The following OCIAD1 variants were observed in gnomAD, a reference collection of about 807,000 sequenced individuals.
OCIAD1 encodes the protein OCIA domain containing 1.
In OCIAD1, 29 loss-of-function variants were observed where a neutral mutation model predicts 38.9. The ratio of observed to expected loss-of-function variants is 0.74; its 90% CI spans 0.55 to 1.02. The LOEUF (loss-of-function observed/expected upper bound fraction) is 1.02. Ranked by LOEUF, OCIAD1 falls within the 50% of genes least tolerant of loss-of-function variation. The pLI, the probability that OCIAD1 is intolerant of heterozygous loss-of-function variation, is 0.00. For missense variants in OCIAD1, 288 were observed against 289.6 expected, an observed-to-expected ratio of 0.99 and a Z score of 0.04; for synonymous variants, 110 against 92.0, an observed-to-expected ratio of 1.20 and a Z score of -1.12.
chr4:48,827,916 G>A (rs1202071582), upstream of OCIAD1, among the ~76,000 whole-genome samples: 1 of 152,042 alleles, frequency 6.6e-6, no homozygotes, highest in Non-Finnish European at 1.5e-5. Flanking sequence ...TCAGCACTCT[G>A]TGTCTAGCTC....
chr4:48,831,622 C>T, intron 1 of OCIAD1: 2 of 1,101,826 alleles, frequency 1.8e-6, no homozygotes, highest in South Asian at 1.3e-5. Context: ...GCCGTGTCAG[C>T]CCTGACAGTC....
chr4:48,812,990 G>A (rs144249756), intron 1 of OCIAD1, among the ~76,000 whole-genome samples: 1 of 152,300 alleles, frequency 6.6e-6, no homozygotes, highest in East Asian at 1.9e-4. Flanking sequence ...CTCAAGTACA[G>A]GGCTGGTCTT....
At chr4:48,831,432 G>T (rs984316530) in intron 1 of OCIAD1, 183 bp downstream of exon 1, 21 of 1,197,394 alleles carry the variant, frequency 1.8e-5, no homozygotes, top group South Asian at 1.1e-4. Flanking sequence ...GCTTCTGGGG[G>T]TGTGAGCTGG....
chr4:48,842,840 G>C, intron 4 of OCIAD1, 151 bp downstream of exon 4: 1 of 534,914 alleles, frequency 1.9e-6, no homozygotes, highest in East Asian at 3.4e-5. Context: ...TTTTATCTCT[G>C]TGGACCCACT....
chr4:48,813,836 G>A (rs1395434749), intron 1 of OCIAD1, among the ~76,000 whole-genome samples: 2 of 152,252 alleles, frequency 1.3e-5, no homozygotes, highest in East Asian at 1.9e-4. Context: ...AGAGGAGCTC[G>A]TGAATAACTA....
At chr4:48,846,096 A>T (rs1004265903) in intron 4 of OCIAD1, among the ~76,000 whole-genome samples, 1 of 152,224 alleles carries the variant, frequency 6.6e-6, no homozygotes, top group African/African-American at 2.4e-5. Flanking sequence ...GAGAGTAAAG[A>T]GTGTGTCCTG....
At chr4:48,824,222 T>C (rs1777226118) in intron 1 of OCIAD1, among the ~76,000 whole-genome samples, 1 of 152,140 alleles carries the variant, frequency 6.6e-6, no homozygotes, top group Non-Finnish European at 1.5e-5. Flanking sequence ...CTCAAAGCAA[T>C]CCACCTGCCT....
chr4:48,832,221 T>C (rs1777570426), intron 1 of OCIAD1, among the ~76,000 whole-genome samples: 1 of 152,218 alleles, frequency 6.6e-6, no homozygotes, highest in Non-Finnish European at 1.5e-5. Context: ...TTGAAATTTT[T>C]TTTCTCTTCT....
intron 1 of OCIAD1, chr4:48,805,351 C>G (rs992109782): frequency 6.6e-6 from 1 of 152,184 alleles, no homozygotes; most frequent in Non-Finnish European, 1.5e-5. Flanking sequence ...CTGAGCCGAA[C>G]CACACAGCTA....
intron 7 of OCIAD1, among the ~76,000 whole-genome samples, chr4:48,852,963 C>T (rs1401245013): frequency 6.8e-6 from 1 of 148,120 alleles, no homozygotes; most frequent in Non-Finnish European, 1.5e-5. Context: ...CTCACTGCAA[C>T]CTCCGCCCCC....
intron 1 of OCIAD1, among the ~76,000 whole-genome samples, chr4:48,823,379 G>A (rs1253427477): frequency 1.3e-5 from 2 of 151,900 alleles, no homozygotes; most frequent in East Asian, 1.9e-4. Context: ...ATCACACACC[G>A]GGACCTGTTG....
intron 2 of OCIAD1, 62 bp from the exon 3 acceptor site, chr4:48,833,339 A>G: frequency 2.0e-6 from 2 of 1,001,554 alleles, no homozygotes; most frequent in East Asian, 2.4e-5. Context: ...GGCTAAGATA[A>G]TTTTTCAGAC....
intron 3 of OCIAD1, among the ~76,000 whole-genome samples, chr4:48,840,608 T>A (rs1421237137): frequency 6.6e-6 from 1 of 152,220 alleles, no homozygotes; most frequent in African/African-American, 2.4e-5. Flanking sequence ...GGTTCTTAAA[T>A]TGTCCATATA....
At chr4:48,847,589 A>C (rs1159643254) in intron 4 of OCIAD1, among the ~76,000 whole-genome samples, 1 of 152,206 alleles carries the variant, frequency 6.6e-6, no homozygotes, top group African/African-American at 2.4e-5. Flanking sequence ...TCGATGTAGG[A>C]TCAAGGTACA....
intron 4 of OCIAD1, among the ~76,000 whole-genome samples, chr4:48,846,271 A>G (rs1160199911): frequency 6.6e-6 from 1 of 152,220 alleles, no homozygotes; most frequent in East Asian, 1.9e-4. Flanking sequence ...AACTGAGGCT[A>G]AAGGCACAGA....
intron 1 of OCIAD1, among the ~76,000 whole-genome samples, chr4:48,820,071 T>C (rs1777179069): frequency 6.6e-6 from 1 of 152,072 alleles, no homozygotes; most frequent in Admixed American, 6.6e-5. Flanking sequence ...TCTACAGAAC[T>C]CTCCAACCCA....
chr4:48,831,571 G>A, intron 1 of OCIAD1: 1 of 1,289,038 alleles, frequency 7.8e-7, no homozygotes, highest in Non-Finnish European at 1.0e-6. Flanking sequence ...TTAATCCAGC[G>A]TTGTTTTGTG....
At chr4:48,827,062 A>G (rs1488713307), upstream of OCIAD1, among the ~76,000 whole-genome samples, 1 of 152,210 alleles carries the variant, frequency 6.6e-6, no homozygotes, top group Non-Finnish European at 1.5e-5. Flanking sequence ...GTTAAACTAG[A>G]TAGTCTGGTG....
intron 8 of OCIAD1, 36 bp downstream of exon 8, chr4:48,857,401 G>A: frequency 7.2e-7 from 1 of 1,387,460 alleles, no homozygotes; most frequent in Admixed American, 2.6e-5. Context: ...TTACTGTTGA[G>A]GATTGGAAAC....
Sources: gnomAD v4.1 joint callset for allele counts (sites outside exome capture counted in the v4.1 genomes callset) on GRCh38, gnomAD v4.1.1 for gene constraint, MANE v1.5 for transcripts, NCBI Gene and HGNC (gene_info 2026-07-23, HGNC 2026-07-21) for gene names.